Variants in CDK14 observed in about 807,000 individuals in gnomAD.
CDK14 encodes the protein cyclin-dependent kinase 14.
CDK14 carries 34 observed loss-of-function variants against 60.7 expected under a neutral mutation model. That is an observed-to-expected ratio of 0.56 (90% CI 0.43 to 0.75). CDK14 has a LOEUF of 0.75. Ranked by LOEUF, CDK14 falls within the 30% of genes least tolerant of loss-of-function variation. The pLI, the probability that CDK14 is intolerant of heterozygous loss-of-function variation, is 0.00. For missense variants in CDK14, 482 were observed against 564.1 expected, an observed-to-expected ratio of 0.85 and a Z score of 1.47; for synonymous variants, 197 against 203.7, an observed-to-expected ratio of 0.97 and a Z score of 0.28.
At chr7:91,200,563 C>G (rs1055111086) in intron 14 of CDK14, among the ~76,000 whole-genome samples, 3 of 152,096 alleles carry the variant, frequency 2.0e-5, no homozygotes, top group Admixed American at 2.0e-4. Context: ...GGACTTTGTT[C>G]TCGACAAAAT....
At chr7:90,731,882 T>C (rs1277440739) in intron 3 of CDK14, among the ~76,000 whole-genome samples, 2 of 151,982 alleles carry the variant, frequency 1.3e-5, no homozygotes, top group Non-Finnish European at 2.9e-5. Context: ...CTATGTTGAA[T>C]AGGAGGGGTG....
intron 6 of CDK14, among the ~76,000 whole-genome samples, chr7:90,880,467 CCGCA>C (rs1175197864): frequency 6.6e-6 from 1 of 152,136 alleles, no homozygotes; most frequent in Non-Finnish European, 1.5e-5. Context: ...GGAGGAGTGG[CCGCA>C]GTCTCTGCGG....
At chr7:90,723,513 A>G (rs1802530616) in intron 2 of CDK14, among the ~76,000 whole-genome samples, 2 of 152,172 alleles carry the variant, frequency 1.3e-5, no homozygotes, top group Non-Finnish European at 2.9e-5. Context: ...AAGAGGGGAT[A>G]CTCAAGGCAG....
intron 2 of CDK14, among the ~76,000 whole-genome samples, chr7:90,713,333 C>T (rs1453108141): frequency 6.6e-6 from 1 of 152,020 alleles, no homozygotes; most frequent in Non-Finnish European, 1.5e-5. Flanking sequence ...ACTCACTATC[C>T]AGGGGACCCA....
At chr7:91,128,966 C>T (rs892210945) in intron 14 of CDK14, among the ~76,000 whole-genome samples, 5 of 152,140 alleles carry the variant, frequency 3.3e-5, no homozygotes, top group African/African-American at 9.7e-5. Context: ...TTCCACAACT[C>T]TGTGGATTGA....
At chr7:90,867,546 G>A (rs1045331683) in intron 6 of CDK14, among the ~76,000 whole-genome samples, 28 of 152,088 alleles carry the variant, frequency 1.8e-4, no homozygotes, top group Admixed American at 1.5e-3. Flanking sequence ...ATGTGTAGCA[G>A]CATTTTTCAT....
chr7:91,140,885 T>G (rs1800435888), intron 14 of CDK14, among the ~76,000 whole-genome samples: 1 of 152,176 alleles, frequency 6.6e-6, no homozygotes, highest in Non-Finnish European at 1.5e-5. Flanking sequence ...AGCCATTTTT[T>G]TGGTCTTTTT....
intron 2 of CDK14, among the ~76,000 whole-genome samples, chr7:90,664,181 T>A (rs1383714367): frequency 3.9e-5 from 6 of 152,096 alleles, no homozygotes; most frequent in Non-Finnish European, 7.3e-5. Flanking sequence ...AAAAAACACA[T>A]GAAAAAATGC....
At chr7:91,052,157 C>A (rs1247810548) in intron 11 of CDK14, among the ~76,000 whole-genome samples, 4 of 152,080 alleles carry the variant, frequency 2.6e-5, no homozygotes. Flanking sequence ...GTGCCTTAAG[C>A]AAAGTGAATG....
At chr7:91,014,578 G>A (rs1392566001) in intron 10 of CDK14, among the ~76,000 whole-genome samples, 1 of 152,120 alleles carries the variant, frequency 6.6e-6, no homozygotes, top group Non-Finnish European at 1.5e-5. Flanking sequence ...TTGTGACCAA[G>A]CTAAGTGTGA....
At chr7:91,101,817 C>A (rs1799153089) in intron 12 of CDK14, among the ~76,000 whole-genome samples, 2 of 152,084 alleles carry the variant, frequency 1.3e-5, no homozygotes, top group African/African-American at 4.8e-5. Context: ...ATTTCTGACC[C>A]CTCCTTGCAA....
intron 10 of CDK14, among the ~76,000 whole-genome samples, chr7:91,032,925 G>A (rs567587639): frequency 2.1e-3 from 321 of 152,230 alleles, no homozygotes; most frequent in Non-Finnish European, 2.9e-3. Context: ...TAACTTTGTC[G>A]TATTTAATTT....
At chr7:90,962,355 A>T (rs1794626442) in intron 9 of CDK14, among the ~76,000 whole-genome samples, 1 of 152,118 alleles carries the variant, frequency 6.6e-6, no homozygotes, top group Non-Finnish European at 1.5e-5. Flanking sequence ...GCATGGTGGC[A>T]CATGCATGTA....
intron 5 of CDK14, among the ~76,000 whole-genome samples, chr7:90,860,468 T>C (rs1790969732): frequency 6.6e-6 from 1 of 151,980 alleles, no homozygotes; most frequent in South Asian, 2.1e-4. Flanking sequence ...CTAAAATTTC[T>C]TTAAGATGAG....
chr7:91,038,712 A>G (rs933353509), intron 10 of CDK14, among the ~76,000 whole-genome samples: 1 of 152,230 alleles, frequency 6.6e-6, no homozygotes, highest in African/African-American at 2.4e-5. Context: ...CCCACGTGTC[A>G]TGGGAGGAAC....
At chr7:90,853,007 T>C (rs1178648238) in intron 5 of CDK14, among the ~76,000 whole-genome samples, 2 of 152,208 alleles carry the variant, frequency 1.3e-5, no homozygotes, top group African/African-American at 2.4e-5. Flanking sequence ...TTAATTCAGC[T>C]CCAACCAAAA....
At chr7:90,985,747 A>C (rs1795356742) in intron 10 of CDK14, among the ~76,000 whole-genome samples, 1 of 152,162 alleles carries the variant, frequency 6.6e-6, no homozygotes, top group African/African-American at 2.4e-5. Context: ...TATCCCTGTG[A>C]GTCGCTGTGT....
intron 5 of CDK14, among the ~76,000 whole-genome samples, chr7:90,799,058 C>T (rs1413405475): frequency 1.3e-5 from 2 of 152,142 alleles, no homozygotes; most frequent in Admixed American, 6.5e-5. Context: ...TAGACTTCCA[C>T]GTTTTTTGTT....
chr7:90,807,647 T>G (rs1000060311), intron 5 of CDK14, among the ~76,000 whole-genome samples: 1 of 152,148 alleles, frequency 6.6e-6, no homozygotes, highest in African/African-American at 2.4e-5. Flanking sequence ...AGAAGCAGGC[T>G]TCAGACGATC....
Sources: gnomAD v4.1 joint callset for allele counts (sites outside exome capture counted in the v4.1 genomes callset) on GRCh38, gnomAD v4.1.1 for gene constraint, MANE v1.5 for transcripts, NCBI Gene and HGNC (gene_info 2026-07-23, HGNC 2026-07-21) for gene names.